The following CNTN6 variants were observed in gnomAD, a reference collection of about 807,000 sequenced individuals.
CNTN6 encodes contactin-6.
A neutral mutation model predicts 122.8 loss-of-function variants in CNTN6; 137 were observed. That is an observed-to-expected ratio of 1.12 (90% CI 0.97 to 1.29). CNTN6 has a LOEUF of 1.29. CNTN6 is among the 50% of genes most tolerant of loss of function. The pLI is 0.00. For synonymous variants in CNTN6, 570 were observed against 426.0 expected (o/e 1.34, Z -4.16); for missense variants, 1,634 against 1,223.4 (o/e 1.34, Z -5.01).
At position 1,325,818 on chromosome 3, in the gene CNTN6, C is replaced by G. The variant is rs1304540081; in HGVS notation, c.950C>G (p.Pro317Arg). The change falls in exon 9 of 23, where the codon CCT becomes CGT. Residue 317 changes from proline to arginine, a missense_variant. Transcript: ENST00000446702. Reference protein sequence around the residue: ...LAKGQLIFYAPPEWEQKIQNT... With the variant: ...LAKGQLIFYARPEWEQKIQNT... ...GGCACTTGCCTTTTTGAAACAGCTCCTCCAGAATGGGAACAGAAAATCCAA... is the reference window on the plus strand; with the variant it reads ...GGCACTTGCCTTTTTGAAACAGCTCGTCCAGAATGGGAACAGAAAATCCAA... 4 of 1,609,710 alleles carry G rather than the reference C, an allele frequency of 2.5e-6. No individual in the cohort carries two copies. The highest frequency in any genetic ancestry group is 3.4e-6 in the Non-Finnish European group (4 of 1,177,872).
intron 7 of CNTN6, among the ~76,000 whole-genome samples, chr3:1,306,456 A>G (rs1698369876): frequency 6.6e-6 from 1 of 152,182 alleles, no homozygotes; most frequent in South Asian, 2.1e-4. Flanking sequence ...CTACACTCTC[A>G]CATAAACAAG....
At chr3:1,170,493 C>A (rs898581717) in intron 2 of CNTN6, among the ~76,000 whole-genome samples, 2 of 152,110 alleles carry the variant, frequency 1.3e-5, no homozygotes. Context: ...CCAATCTCTA[C>A]AGCCCTTTGA....
chr3:1,141,160 T>A (rs1215189150), intron 1 of CNTN6, among the ~76,000 whole-genome samples: 2 of 152,222 alleles, frequency 1.3e-5, no homozygotes, highest in Non-Finnish European at 2.9e-5. Flanking sequence ...TGGCCATGGA[T>A]GTTTATCACA....
At chr3:1,268,243 C>T (rs937773321) in intron 4 of CNTN6, among the ~76,000 whole-genome samples, 2 of 152,152 alleles carry the variant, frequency 1.3e-5, no homozygotes, top group South Asian at 2.1e-4. Context: ...TGTGTAGCTT[C>T]CTAGGCAGTG....
At chr3:1,199,658 G>A (rs955054190) in intron 2 of CNTN6, among the ~76,000 whole-genome samples, 4 of 151,968 alleles carry the variant, frequency 2.6e-5, no homozygotes, top group Admixed American at 6.6e-5. Context: ...CCATTTTTTG[G>A]CAATTTGAGG....
chr3:1,319,336 C>T (rs776548351), intron 7 of CNTN6, among the ~76,000 whole-genome samples: 2 of 151,606 alleles, frequency 1.3e-5, no homozygotes, highest in East Asian at 2.0e-4. Flanking sequence ...ATCCCAGCTC[C>T]GCCTCTTTAG....
intron 2 of CNTN6, among the ~76,000 whole-genome samples, chr3:1,214,465 C>T (rs562701707): frequency 4.0e-5 from 6 of 151,490 alleles, no homozygotes; most frequent in South Asian, 2.1e-4. Flanking sequence ...CCCACCACCA[C>T]GCCCAGCTAA....
chr3:1,204,004 T>G (rs1328453660), intron 2 of CNTN6, among the ~76,000 whole-genome samples: 1 of 152,210 alleles, frequency 6.6e-6, no homozygotes, highest in East Asian at 1.9e-4. Flanking sequence ...AGCCTAGGTG[T>G]GTAGCAGGCT....
intron 2 of CNTN6, among the ~76,000 whole-genome samples, chr3:1,190,286 C>G (rs2093683068): frequency 6.6e-6 from 1 of 152,152 alleles, no homozygotes; most frequent in Non-Finnish European, 1.5e-5. Context: ...CTCCTAAAGT[C>G]CCCACCTCCA....
In CNTN6 at chr3:1,352,422, C is replaced by T. The variant is rs1202951386; in HGVS notation, c.1463C>T (p.Ala488Val). 1 of 1,609,614 alleles carries T rather than the reference C, an allele frequency of 6.2e-7. No individual in the cohort carries two copies. The highest frequency in any genetic ancestry group is 8.5e-7 in the Non-Finnish European group (1 of 1,177,278). Residue 488 changes from alanine (A) to valine (V), a missense_variant, in exon 12 of 23, where the codon GCA becomes GTA. Transcript: ENST00000446702. ...ATAGCCACAAATCAGTTTGGCACTG[C>T]AAAGAACACTGGCAGCCTCATTGTA... ...TCIATNQFGT[A>V]KNTGSLIVKE...
intron 3 of CNTN6, among the ~76,000 whole-genome samples, chr3:1,223,936 A>C (rs920768636): frequency 1.2e-4 from 18 of 152,218 alleles, no homozygotes; most frequent in Non-Finnish European, 1.8e-4. Context: ...ATTATTGCAC[A>C]CATCGTATAA....
At chr3:1,350,892 T>C (rs967533254) in intron 11 of CNTN6, among the ~76,000 whole-genome samples, 1 of 151,878 alleles carries the variant, frequency 6.6e-6, no homozygotes, top group Admixed American at 6.6e-5. Flanking sequence ...AGAATTATAT[T>C]TGGCCTGAGT....
At chr3:1,173,547 G>A (rs1471171147) in intron 2 of CNTN6, among the ~76,000 whole-genome samples, 1 of 152,102 alleles carries the variant, frequency 6.6e-6, no homozygotes, top group East Asian at 1.9e-4. Flanking sequence ...ATGTGAACCC[G>A]GACCCATCCA....
chr3:1,150,779 T>C (rs1364302687), intron 2 of CNTN6, among the ~76,000 whole-genome samples: 1 of 152,196 alleles, frequency 6.6e-6, no homozygotes, highest in Non-Finnish European at 1.5e-5. Flanking sequence ...AAAGTGGATT[T>C]TGCAGATGTG....
intron 10 of CNTN6, among the ~76,000 whole-genome samples, chr3:1,328,332 C>T (rs538874539): frequency 4.6e-5 from 7 of 151,790 alleles, no homozygotes; most frequent in East Asian, 2.0e-4. Context: ...CAATAAATGA[C>T]GCGTTGATAG....
intron 2 of CNTN6, among the ~76,000 whole-genome samples, chr3:1,161,769 TACACACACACACACACACACACAC>T (rs558137459): frequency 1.4e-5 from 2 of 143,116 alleles, no homozygotes; most frequent in Admixed American, 7.1e-5. Flanking sequence ...TATATATGTA[TACACACACACACACACACACACAC>T]ACACACACAA....
intron 2 of CNTN6, among the ~76,000 whole-genome samples, chr3:1,164,208 A>G (rs1408904738): frequency 6.6e-6 from 1 of 152,204 alleles, no homozygotes; most frequent in Non-Finnish European, 1.5e-5. Flanking sequence ...GGCACTACTG[A>G]CCAACATTGA....
chr3:1,397,778 T>A (rs978606400), intron 20 of CNTN6, among the ~76,000 whole-genome samples: 34 of 152,148 alleles, frequency 2.2e-4, no homozygotes, highest in Non-Finnish European at 3.8e-4. Flanking sequence ...AAATATGCAA[T>A]CAATCCATAT....
At chr3:1,247,242 G>A (rs2094595271) in intron 4 of CNTN6, among the ~76,000 whole-genome samples, 1 of 152,028 alleles carries the variant, frequency 6.6e-6, no homozygotes, top group South Asian at 2.1e-4. Flanking sequence ...ATCCAATTGA[G>A]CCAGAACATA....
Sources: allele counts gnomAD v4.1 joint callset (sites outside exome capture counted in the v4.1 genomes callset), GRCh38; gene constraint gnomAD v4.1.1; transcripts MANE v1.5; gene names NCBI Gene and HGNC (gene_info 2026-07-23, HGNC 2026-07-21).